GABRG3: variants seen among roughly 807,000 people sequenced by gnomAD.
The protein encoded by GABRG3 is gamma-aminobutyric acid type A receptor subunit gamma3.
Under a neutral mutation model 48.8 loss-of-function variants are expected in GABRG3, and 25 were observed. The ratio of observed to expected loss-of-function variants is 0.51; its 90% confidence interval spans 0.37 to 0.72. GABRG3 has a LOEUF of 0.72. Among genes scored for constraint, GABRG3 ranks in the 30% least tolerant of loss-of-function variants. GABRG3 has a pLI of 0.00. For synonymous variants in GABRG3, 227 were observed against 217.6 expected (o/e 1.04, Z -0.38); for missense variants, 394 against 577.9 (o/e 0.68, Z 3.26).
chr15:27,131,669 C>CATACTT (rs1307933173), intron 3 of GABRG3, among the ~76,000 whole-genome samples: 1 of 151,974 alleles, frequency 6.6e-6, no homozygotes, highest in Non-Finnish European at 1.5e-5. Flanking sequence ...AATTGTTATA[C>CATACTT]ATACTTACAC....
intron 3 of GABRG3, among the ~76,000 whole-genome samples, chr15:27,201,701 G>T (rs1888689815): frequency 2.0e-5 from 3 of 152,068 alleles, no homozygotes; most frequent in Admixed American, 2.0e-4. Context: ...TGGGTCTCTG[G>T]TCTTTTATCC....
intron 3 of GABRG3, among the ~76,000 whole-genome samples, chr15:27,113,682 C>A (rs1897593330): frequency 6.6e-6 from 1 of 152,196 alleles, no homozygotes; most frequent in African/African-American, 2.4e-5. Flanking sequence ...AGCAGTGGGC[C>A]TCTTCAGGTA....
At chr15:27,428,958 G>A (rs550808871) in intron 5 of GABRG3, among the ~76,000 whole-genome samples, 6 of 152,286 alleles carry the variant, frequency 3.9e-5, no homozygotes, top group Non-Finnish European at 7.4e-5. Flanking sequence ...AGTCAGGTAC[G>A]AATCTGTGAA....
At chr15:27,365,826 C>A (rs1257069215) in intron 5 of GABRG3, 1 of 152,164 alleles carries the variant, frequency 6.6e-6, no homozygotes, top group Admixed American at 6.5e-5. Context: ...GAATCAAATT[C>A]ATGTCTCATG....
At chr15:27,331,441 G>A in intron 5 of GABRG3, among the ~76,000 whole-genome samples, 1 of 152,254 alleles carries the variant, frequency 6.6e-6, no homozygotes, top group Non-Finnish European at 1.5e-5. Flanking sequence ...GCCATAAAGA[G>A]ACATGTAGGA....
chr15:27,497,025 A>G (rs1032683884), intron 6 of GABRG3, among the ~76,000 whole-genome samples: 2 of 152,212 alleles, frequency 1.3e-5, no homozygotes, highest in Non-Finnish European at 2.9e-5. Context: ...GCCCTGGCCC[A>G]TTGCACCAGT....
intron 5 of GABRG3, among the ~76,000 whole-genome samples, chr15:27,464,625 C>G (rs4550405): frequency 0.38 from 57,708 of 152,044 alleles, 14,268 homozygotes; most frequent in African/African-American, 0.69. Flanking sequence ...CCCTCAAATA[C>G]TGTACTTCCT....
intron 6 of GABRG3, among the ~76,000 whole-genome samples, chr15:27,493,271 A>T (rs1408746137): frequency 5.9e-5 from 9 of 152,268 alleles, no homozygotes; most frequent in South Asian, 2.1e-4. Flanking sequence ...TCATATTTTT[A>T]AAAAAATCTC....
At chr15:27,138,694 A>G (rs184100044) in intron 3 of GABRG3, among the ~76,000 whole-genome samples, 15 of 152,170 alleles carry the variant, frequency 9.9e-5, no homozygotes, top group African/African-American at 2.9e-4. Flanking sequence ...ATCTTTTGTT[A>G]TGTTCCATTG....
rs148235318 is a variant in GABRG3, at chr15:27,179,419, G to C, written c.271-147390G>C. On this transcript the variant is annotated intron_variant, in intron 3 of 9. Transcript: ENST00000615808. This position sits in a 1 kb window ranked among gnomAD's most constrained non-coding sequence, Gnocchi z 4.0. ...ATTTTTGTTGATAATGATGCCCTCA[G>C]TTTTGTAATTGCTTATTTACCTTGT... 6.6e-6 allele frequency among the ~76,000 whole-genome samples: 1 copy of C among 152,234 alleles called. No individual in the cohort carries two copies. Among genetic ancestry groups the C allele is most frequent in the African/African-American group, 2.4e-5 (1 of 41,526 alleles).
At chr15:27,425,015 C>T (rs1011838099) in intron 5 of GABRG3, among the ~76,000 whole-genome samples, 3 of 152,162 alleles carry the variant, frequency 2.0e-5, no homozygotes, top group Non-Finnish European at 4.4e-5. Context: ...ACCATGTCTC[C>T]AAGACAAATC....
chr15:27,517,274 G>A (rs1039106762), intron 6 of GABRG3, among the ~76,000 whole-genome samples: 4 of 151,476 alleles, frequency 2.6e-5, no homozygotes, highest in Admixed American at 1.3e-4. Flanking sequence ...TGCCTCCTCC[G>A]TCATTGCCAG....
At chr15:27,271,526 T>G (rs1449096962) in intron 3 of GABRG3, 1 of 455,586 alleles carries the variant, frequency 2.2e-6, no homozygotes, top group Non-Finnish European at 4.4e-6. Context: ...GCCACGCCCT[T>G]TAGGAGATCT....
intron 3 of GABRG3, among the ~76,000 whole-genome samples, chr15:27,174,333 C>G (rs891809155): frequency 2.0e-5 from 3 of 152,202 alleles, no homozygotes; most frequent in Non-Finnish European, 4.4e-5. Flanking sequence ...TATCATTTAA[C>G]TTGTTCTATT....
At chr15:27,515,492 C>T (rs1472639235) in intron 6 of GABRG3, among the ~76,000 whole-genome samples, 1 of 152,158 alleles carries the variant, frequency 6.6e-6, no homozygotes, top group East Asian at 1.9e-4. Context: ...GGCTTTTTGG[C>T]TGAGCATTGC....
intron 2 of GABRG3, among the ~76,000 whole-genome samples, chr15:26,994,304 G>C (rs952548695): frequency 2.6e-5 from 4 of 151,630 alleles, no homozygotes; most frequent in Admixed American, 2.6e-4. Flanking sequence ...CTTTTAGTGA[G>C]TGTGGTTTTC....
chr15:27,155,872 G>T (rs766645445), intron 3 of GABRG3, among the ~76,000 whole-genome samples: 2 of 152,144 alleles, frequency 1.3e-5, no homozygotes, highest in Non-Finnish European at 2.9e-5. Flanking sequence ...AACCACCTTA[G>T]TTGAGGGATG....
chr15:27,528,156 T>G (rs961446850), intron 9 of GABRG3, among the ~76,000 whole-genome samples, 164 bp downstream of exon 9: 1 of 152,184 alleles, frequency 6.6e-6, no homozygotes, highest in African/African-American at 2.4e-5. Context: ...AAATCCAACT[T>G]TGACAATTTG....
intron 5 of GABRG3, among the ~76,000 whole-genome samples, chr15:27,349,115 A>T (rs1156589221): frequency 1.3e-5 from 2 of 152,168 alleles, no homozygotes; most frequent in African/African-American, 4.8e-5. Flanking sequence ...GGAAGGAGTT[A>T]AAATGACTTC....
Sources: gnomAD v4.1 joint callset for allele counts (sites outside exome capture counted in the v4.1 genomes callset) on GRCh38, gnomAD v4.1.1 for gene constraint, Gnocchi (gnomAD v3.1) non-coding constraint, MANE v1.5 for transcripts, NCBI Gene and HGNC (gene_info 2026-07-23, HGNC 2026-07-21) for gene names.